UBAC2: variants seen among roughly 807,000 people sequenced by gnomAD.
The protein encoded by UBAC2 is UBA domain containing 2, also known as ubiquitin-associated domain-containing protein 2.
Under a neutral mutation model 44.0 loss-of-function variants are expected in UBAC2, and 26 were observed. The observed-to-expected ratio is 0.59, with a 90% CI of 0.43 to 0.82. UBAC2 has a LOEUF of 0.82. UBAC2 is among the 40% of genes least tolerant of loss of function. The pLI is 0.00. For missense variants in UBAC2, 329 were observed against 419.4 expected, an observed-to-expected ratio of 0.78 and a Z score of 1.88; for synonymous variants, 155 against 154.3, an observed-to-expected ratio of 1.00 and a Z score of -0.04.
At chr13:99,231,178 A>T (rs1047488824) in intron 1 of UBAC2, among the ~76,000 whole-genome samples, 11 of 152,214 alleles carry the variant, frequency 7.2e-5, no homozygotes, top group Non-Finnish European at 1.2e-4. Flanking sequence ...GTAACCCAAC[A>T]TAGTCACAGG....
intron 4 of UBAC2, among the ~76,000 whole-genome samples, chr13:99,253,433 A>T (rs1303855275): frequency 6.6e-6 from 1 of 152,136 alleles, no homozygotes; most frequent in Non-Finnish European, 1.5e-5. Flanking sequence ...TTCTAGTGCA[A>T]AAATGCCATT....
chr13:99,380,942 G>A (rs2045542681), intron 8 of UBAC2, among the ~76,000 whole-genome samples: 1 of 152,232 alleles, frequency 6.6e-6, no homozygotes. Flanking sequence ...CCCCGCAGAG[G>A]ATGAAGAGCG....
chr13:99,383,832 CT>C (rs1279443346), intron 8 of UBAC2, among the ~76,000 whole-genome samples: 1 of 152,262 alleles, frequency 6.6e-6, no homozygotes, highest in Non-Finnish European at 1.5e-5. Context: ...TTCCCTAAGG[CT>C]TTTGGGGGAG....
At chr13:99,277,116 A>T (rs925598232) in intron 4 of UBAC2, among the ~76,000 whole-genome samples, 26 of 151,900 alleles carry the variant, frequency 1.7e-4, no homozygotes, top group African/African-American at 6.3e-4. Context: ...AGGATCATCT[A>T]CTCTTCATCT....
At chr13:99,210,613 G>C (rs1040295996) in intron 1 of UBAC2, among the ~76,000 whole-genome samples, 1 of 151,922 alleles carries the variant, frequency 6.6e-6, no homozygotes, top group Non-Finnish European at 1.5e-5. Flanking sequence ...GAGTAGCTGG[G>C]ATTATAGGCA....
intron 4 of UBAC2, among the ~76,000 whole-genome samples, chr13:99,305,949 G>A (rs2044327569): frequency 6.6e-6 from 1 of 152,126 alleles, no homozygotes; most frequent in Non-Finnish European, 1.5e-5. Flanking sequence ...AGGCTAGAGT[G>A]CAGTGGCGCA....
chr13:99,285,117 C>T (rs1383133342), intron 4 of UBAC2, among the ~76,000 whole-genome samples: 2 of 152,048 alleles, frequency 1.3e-5, no homozygotes. Flanking sequence ...CATAATGTTA[C>T]CTTACCTAAC....
chr13:99,305,530 A>G (rs1374023623), intron 4 of UBAC2, among the ~76,000 whole-genome samples: 1 of 152,222 alleles, frequency 6.6e-6, no homozygotes, highest in Admixed American at 6.5e-5. Flanking sequence ...ATTTTATCCT[A>G]TAGAATGCTA....
chr13:99,284,716 A>G (rs1390954345), intron 4 of UBAC2, among the ~76,000 whole-genome samples: 1 of 152,232 alleles, frequency 6.6e-6, no homozygotes, highest in African/African-American at 2.4e-5. Context: ...TTTCATTGGT[A>G]CATCCCCTTA....
chr13:99,306,534 C>T (rs994882429), intron 4 of UBAC2, among the ~76,000 whole-genome samples: 1 of 152,140 alleles, frequency 6.6e-6, no homozygotes, highest in African/African-American at 2.4e-5. Flanking sequence ...AACACACACA[C>T]AAACACACAT....
At position 99,340,398 on chromosome 13, in the gene UBAC2, T is replaced by C; in HGVS notation, c.640T>C (p.Phe214Leu). Residue 214 changes from phenylalanine (F) to leucine (L), a missense_variant, in exon 7 of 9, where the codon TTT becomes CTT. Phe to Leu is a conservative substitution (Grantham distance 22). Transcript: ENST00000403766. ...LCIPSWMAKFFSWTLEPIFSS... is the reference protein window; with the variant it reads ...LCIPSWMAKFLSWTLEPIFSS... ...CATCCCCAGCTGGATGGCAAAATTC[T>C]TTTCTTGGACACTTGAACCCATCTT... 1 of 1,614,236 alleles carries C rather than the reference T, an allele frequency of 6.2e-7. No individual in the cohort carries two copies. Among genetic ancestry groups the C allele is most frequent in the Non-Finnish European group, 8.5e-7 (1 of 1,180,040 alleles).
intron 1 of UBAC2, among the ~76,000 whole-genome samples, chr13:99,221,782 C>T (rs964836430): frequency 2.6e-5 from 4 of 152,164 alleles, no homozygotes; most frequent in African/African-American, 9.7e-5. Context: ...TCATGGTGAT[C>T]GCCTACTTGA....
At chr13:99,294,327 A>G (rs1166708786) in intron 4 of UBAC2, among the ~76,000 whole-genome samples, 5 of 152,166 alleles carry the variant, frequency 3.3e-5, no homozygotes, top group South Asian at 2.1e-4. Flanking sequence ...CCTCCTCCCA[A>G]TGGGCACCTC....
At chr13:99,361,852 C>A (rs990200321) in intron 7 of UBAC2, among the ~76,000 whole-genome samples, 6 of 152,072 alleles carry the variant, frequency 3.9e-5, no homozygotes, top group Non-Finnish European at 7.4e-5. Flanking sequence ...TTAAAATAGA[C>A]CAGACGCAAT....
chr13:99,234,009 TA>T (rs919379374), intron 1 of UBAC2, among the ~76,000 whole-genome samples: 21 of 152,052 alleles, frequency 1.4e-4, no homozygotes, highest in African/African-American at 4.6e-4. Context: ...TTGCAAGATT[TA>T]ATAGAGTGAA....
chr13:99,352,554 T>A (rs1271736062), intron 7 of UBAC2, among the ~76,000 whole-genome samples: 1 of 152,234 alleles, frequency 6.6e-6, no homozygotes, highest in Non-Finnish European at 1.5e-5. Flanking sequence ...GAGCTTTATG[T>A]GTGCAAGTGC....
intron 5 of UBAC2, among the ~76,000 whole-genome samples, chr13:99,316,260 T>TC (rs2044488232): frequency 6.6e-6 from 1 of 151,940 alleles, no homozygotes; most frequent in Non-Finnish European, 1.5e-5. Flanking sequence ...TGGTGTCAAC[T>TC]CCCCCTGTGC....
chr13:99,224,541 T>G (rs2043089370), intron 1 of UBAC2, among the ~76,000 whole-genome samples: 1 of 152,204 alleles, frequency 6.6e-6, no homozygotes, highest in African/African-American at 2.4e-5. Flanking sequence ...CTTTCTCAGC[T>G]CTCAGATTCT....
intron 6 of UBAC2, among the ~76,000 whole-genome samples, chr13:99,327,936 C>G (rs2044662871): frequency 6.6e-6 from 1 of 152,080 alleles, no homozygotes; most frequent in Admixed American, 6.5e-5. Context: ...CAGTCATGTA[C>G]TCACCACCAT....
Sources: allele counts gnomAD v4.1 joint callset (sites outside exome capture counted in the v4.1 genomes callset), GRCh38; gene constraint gnomAD v4.1.1; transcripts MANE v1.5; gene names NCBI Gene and HGNC (gene_info 2026-07-23, HGNC 2026-07-21).